The following PLCD1 variants were observed in gnomAD, a reference collection of about 807,000 sequenced individuals.
PLCD1 encodes phospholipase C delta 1, also known as 1-phosphatidylinositol 4,5-bisphosphate phosphodiesterase delta-1.
Under a neutral mutation model 87.4 loss-of-function variants are expected in PLCD1, and 71 were observed. The ratio of observed to expected loss-of-function variants is 0.81; its 90% CI spans 0.67 to 0.99. The LOEUF is 0.99. PLCD1 is among the 50% of genes least tolerant of loss of function. PLCD1 has a pLI of 0.00. For missense variants in PLCD1, 867 were observed against 1,001.5 expected, an observed-to-expected ratio of 0.87 and a Z score of 1.81; for synonymous variants, 348 against 399.2, an observed-to-expected ratio of 0.87 and a Z score of 1.53.
In PLCD1 at chr3:38,008,578, C is replaced by T. The variant is rs1453707499; in HGVS notation, c.1782G>A (p.Gln594=). Residue 594 remains glutamine, a synonymous_variant, in exon 12 of 15, where the codon CAG becomes CAA. Transcript: ENST00000334661. ...PEMDVYQGRF[Q]DNGACGYVLK... Reference sequence around the variant, plus strand: ...GCACGTACCCACAGGCCCCGTTGTCCTGGAAGCGGCCCTGGTACACGTCCA... The same window carrying T: ...GCACGTACCCACAGGCCCCGTTGTCTTGGAAGCGGCCCTGGTACACGTCCA... 6.2e-7 allele frequency: 1 copy of T among 1,614,210 alleles called. No homozygotes were observed. The highest frequency in any genetic ancestry group is 1.7e-5 in the Admixed American group (1 of 60,032).
rs1167126890 is a variant in PLCD1 at position 38,029,503 on chromosome 3, C to T, written c.34+3G>A. On this transcript the variant is annotated splice_donor_region_variant and intron_variant, in intron 1 of 14. Transcript: ENST00000334661. The stretch of plus-strand genomic sequence containing the variant: ...CTCCCGCTCGCGCGGGCCAGGCACT[C>T]ACCGTGCAGGGTCAGGAAGTCCCGG... 15 of 1,539,476 alleles carry T rather than the reference C, an allele frequency of 9.7e-6. No homozygotes were observed. The highest frequency in any genetic ancestry group is 1.3e-5 in the Non-Finnish European group (15 of 1,146,382).
intron 11 of PLCD1, 71 bp downstream of exon 11, chr3:38,008,971 G>A (rs986553997): frequency 2.3e-5 from 29 of 1,286,560 alleles, no homozygotes; most frequent in African/African-American, 2.2e-4. Flanking sequence ...CATGGCCTTC[G>A]AGGCTCCAGG....
intron 2 of PLCD1, among the ~76,000 whole-genome samples, chr3:38,019,358 A>G (rs1458009392): frequency 6.6e-6 from 1 of 152,204 alleles, no homozygotes; most frequent in Non-Finnish European, 1.5e-5. Context: ...CACTAGCCAC[A>G]TTTCAAGGTC....
At chr3:38,023,084 T>G (rs1357560766) in intron 1 of PLCD1, among the ~76,000 whole-genome samples, 1 of 152,002 alleles carries the variant, frequency 6.6e-6, no homozygotes, top group Non-Finnish European at 1.5e-5. Context: ...GGCCATGTGG[T>G]GGGGCATACA....
At chr3:38,012,736 T>C (rs1220543030) in intron 3 of PLCD1, among the ~76,000 whole-genome samples, 3 of 151,998 alleles carry the variant, frequency 2.0e-5, no homozygotes, top group Non-Finnish European at 4.4e-5. Context: ...ATGCTGGTCT[T>C]GAACTCCTCA....
At chr3:38,021,649 C>A (rs1700235468) in intron 1 of PLCD1, among the ~76,000 whole-genome samples, 1 of 152,192 alleles carries the variant, frequency 6.6e-6, no homozygotes, top group African/African-American at 2.4e-5. Context: ...AGTCCAGCAG[C>A]CAGCTCTATT....
In PLCD1 at chr3:38,007,737, G is replaced by T; in HGVS notation, c.*36C>A. 1 of 1,497,720 alleles carries T rather than the reference G, an allele frequency of 6.7e-7. No homozygotes were observed. Among genetic ancestry groups the T allele is most frequent in the Non-Finnish European group, 9.3e-7 (1 of 1,074,216 alleles). 92.8% of individuals were successfully genotyped at this position (1,497,720 alleles called of 1,614,324 possible). A position where few individuals can be genotyped will look rare whatever the true frequency, so the allele number is the denominator to read the frequency against. On this transcript the variant is annotated 3_prime_UTR_variant, in exon 15 of 15. Transcript: ENST00000334661. ...TCCCCACATGTGGACAGAGGGCCCA[G>T]CCCACTCAGGGGGGACCCCACTGGC...
chr3:38,021,349 G>A (rs1384076184), intron 1 of PLCD1, among the ~76,000 whole-genome samples: 1 of 152,140 alleles, frequency 6.6e-6, no homozygotes, highest in Non-Finnish European at 1.5e-5. Context: ...TTCCGAAGCT[G>A]AGCAGGTCCT....
At position 38,025,373 on chromosome 3, in the gene PLCD1, G is replaced by A. The variant is rs1700298207; in HGVS notation, c.34+4133C>T. Among the ~76,000 whole-genome samples, 1 of 152,214 alleles carries A rather than the reference G, an allele frequency of 6.6e-6. No homozygotes were observed. Among genetic ancestry groups the A allele is most frequent in the African/African-American group, 2.4e-5 (1 of 41,458 alleles). ...GAGAAAAGCTGAGGGGAGTCCCAGT[G>A]GGAGGTGGATGGCAGTCTAGCGGGG... On this transcript the variant is annotated intron_variant, in intron 1 of 14. Coordinates refer to ENST00000334661, the MANE Select transcript of PLCD1 (RefSeq NM_006225.4). This position sits in a 1 kb window ranked among gnomAD's most constrained non-coding sequence, Gnocchi z 4.0.
chr3:38,027,830 G>C (rs776295763), intron 1 of PLCD1, among the ~76,000 whole-genome samples: 8 of 152,264 alleles, frequency 5.3e-5, no homozygotes, highest in Non-Finnish European at 1.2e-4. Context: ...CTGGTTTGCA[G>C]TGTGGACAGA....
chr3:38,008,730 G>A (rs1230395003), intron 11 of PLCD1, 94 bp from the exon 12 acceptor site: 3 of 1,156,516 alleles, frequency 2.6e-6, no homozygotes, highest in Admixed American at 1.9e-5. Context: ...AGGGTCACAT[G>A]GTGAGTTAGC....
chr3:38,022,420 GGAC>G (rs1700248922), intron 1 of PLCD1, among the ~76,000 whole-genome samples: 1 of 152,170 alleles, frequency 6.6e-6, no homozygotes, highest in South Asian at 2.1e-4. Flanking sequence ...AAGCTGAGAG[GGAC>G]ATCTCCTTAC....
intron 2 of PLCD1, 39 bp from the exon 3 acceptor site, chr3:38,016,758 G>T: frequency 7.1e-7 from 1 of 1,413,788 alleles, no homozygotes; most frequent in Non-Finnish European, 9.8e-7. Flanking sequence ...GGGAGAGAAT[G>T]CTGTGAGGTC....
In PLCD1 at chr3:38,010,541, G is replaced by A. The variant is rs775557325; in HGVS notation, c.812C>T (p.Thr271Ile). 1.2e-6 allele frequency: 2 copies of A among 1,613,850 alleles called. No individual in the cohort carries two copies. Among genetic ancestry groups the A allele is most frequent in the Non-Finnish European group, 8.5e-7 (1 of 1,179,884 alleles). Residue 271 changes from threonine to isoleucine, a missense_variant, in exon 6 of 15, where the codon ACC (threonine) becomes ATC (isoleucine). Physicochemically the swap from Thr to Ile is moderately conservative, Grantham distance 89. Coordinates refer to ENST00000334661, the MANE Select transcript of PLCD1 (RefSeq NM_006225.4). ...SETAKAQRQM[T>I]KDGFLMYLLS... ...TAAGTACATGAGGAAGCCGTCCTTG[G>A]TCATCTGCCGCTGCGCCTTGGCTGG...
chr3:38,020,475 C>T (rs1700218146), intron 1 of PLCD1, 123 bp from the exon 2 acceptor site: 2 of 885,464 alleles, frequency 2.3e-6, no homozygotes, highest in Non-Finnish European at 1.8e-6. Context: ...TCATCCTCAG[C>T]TCTGTTTACT....
At chr3:38,016,779 C>CT in intron 2 of PLCD1, 60 bp from the exon 3 acceptor site, 2 of 1,222,644 alleles carry the variant, frequency 1.6e-6, no homozygotes, top group Non-Finnish European at 2.4e-6. Context: ...AGTCCCTGAC[C>CT]CTGACATGGC....
chr3:38,019,541 G>C (rs1038543787), intron 2 of PLCD1, among the ~76,000 whole-genome samples: 3 of 152,134 alleles, frequency 2.0e-5, no homozygotes, highest in Non-Finnish European at 2.9e-5. Flanking sequence ...CCCTTAAAGG[G>C]AGAGAACTGA....
rs1700191356 is a variant in PLCD1, at chr3:38,018,680, G to GTA, written c.199+1506_199+1507dup. On this transcript the variant is annotated intron_variant, in intron 2 of 14. Coordinates refer to ENST00000334661, the MANE Select transcript of PLCD1 (RefSeq NM_006225.4). The surrounding 1 kb of genome is among the most constrained non-coding windows in gnomAD (Gnocchi z 5.7). Reference sequence around the variant, plus strand: ...CTCCAGGGAATCCCCAGGGCTCAGAGTATAAGATCCCCATTCTCACTGTGC... The same window carrying GTA: ...CTCCAGGGAATCCCCAGGGCTCAGAGTATATAAGATCCCCATTCTCACTGTGC... 6.6e-6 allele frequency among the ~76,000 whole-genome samples: 1 copy of GTA among 152,138 alleles called. No individual in the cohort carries two copies. Among genetic ancestry groups the GTA allele is most frequent in the Non-Finnish European group, 1.5e-5 (1 of 68,022 alleles).
In PLCD1 at chr3:38,009,345, G is replaced by T; in HGVS notation, c.1533C>A (p.Gly511=). The part of the protein sequence containing the change: ...SVHFGGFSSP[G]TPGQAFYEMA... ...TCTCGTAGAAGGCCTGTCCAGGGGT[G>T]CCAGGACTGGAGAAGCCCCCAAAGT... Residue 511 remains glycine, a synonymous_variant, in exon 10 of 15, where the codon GGC becomes GGA. Coordinates refer to ENST00000334661, the MANE Select transcript of PLCD1 (RefSeq NM_006225.4). 6.2e-7 allele frequency: 1 copy of T among 1,613,984 alleles called. No individual in the cohort carries two copies. The highest frequency in any genetic ancestry group is 8.5e-7 in the Non-Finnish European group (1 of 1,179,810).
Sources: allele counts gnomAD v4.1 joint callset (sites outside exome capture counted in the v4.1 genomes callset), GRCh38; gene constraint gnomAD v4.1.1; non-coding constraint Gnocchi (gnomAD v3.1); transcripts MANE v1.5; gene names NCBI Gene and HGNC (gene_info 2026-07-23, HGNC 2026-07-21).